WDR70: variants seen among roughly 807,000 people sequenced by gnomAD.
The protein encoded by WDR70 is WD repeat-containing protein 70.
WDR70 carries 53 observed loss-of-function variants against 88.6 expected under a neutral mutation model. That is an observed-to-expected ratio of 0.60 (90% confidence interval 0.48 to 0.75). The LOEUF (loss-of-function observed/expected upper bound fraction) is 0.75. WDR70 is among the 30% of genes least tolerant of loss of function. WDR70 has a pLI of 0.00. For synonymous variants in WDR70, 280 were observed against 270.0 expected (o/e 1.04, Z -0.36); for missense variants, 610 against 823.2 (o/e 0.74, Z 3.17).
chr5:37,662,062 A>G (rs1223709189), intron 10 of WDR70, among the ~76,000 whole-genome samples: 3 of 152,234 alleles, frequency 2.0e-5, no homozygotes, highest in Non-Finnish European at 4.4e-5. Flanking sequence ...GTTCACGCCC[A>G]TGAATGAGCA....
chr5:37,428,981 T>C (rs1750223108), intron 5 of WDR70, among the ~76,000 whole-genome samples: 1 of 152,230 alleles, frequency 6.6e-6, no homozygotes, highest in African/African-American at 2.4e-5. Context: ...GGCTTTAGTT[T>C]GCAATTGCTT....
intron 3 of WDR70, among the ~76,000 whole-genome samples, chr5:37,385,029 G>A (rs1430314963): frequency 6.6e-6 from 1 of 152,096 alleles, no homozygotes; most frequent in East Asian, 1.9e-4. Context: ...CGGCTCACAG[G>A]GAAACACTTT....
At chr5:37,678,836 T>C (rs1746320852) in intron 10 of WDR70, among the ~76,000 whole-genome samples, 1 of 152,262 alleles carries the variant, frequency 6.6e-6, no homozygotes, top group South Asian at 2.1e-4. Context: ...TTTTCCAACT[T>C]GGTTCCATTC....
At chr5:37,456,681 C>T in intron 7 of WDR70, among the ~76,000 whole-genome samples, 1 of 151,968 alleles carries the variant, frequency 6.6e-6, no homozygotes, top group Middle Eastern at 3.2e-3. Context: ...TTTTATATGA[C>T]ATAACAAAGC....
chr5:37,557,922 A>AAAAGAGTACTCTTTTGAAAACTCTTCT (rs1375489585), intron 9 of WDR70, among the ~76,000 whole-genome samples: 1 of 135,394 alleles, frequency 7.4e-6, no homozygotes, highest in African/African-American at 2.6e-5. Flanking sequence ...AAAACTCTTC[A>AAAAGAGTACTCTTTTGAAAACTCTTCT]AAAGAGTACT....
At chr5:37,743,194 CG>C (rs1418459564) in intron 17 of WDR70, among the ~76,000 whole-genome samples, 1 of 152,220 alleles carries the variant, frequency 6.6e-6, no homozygotes, top group Non-Finnish European at 1.5e-5. Flanking sequence ...GAGAGCCACA[CG>C]GGGAAGGGGA....
At chr5:37,446,689 A>T (rs1458496240) in intron 7 of WDR70, among the ~76,000 whole-genome samples, 3 of 152,224 alleles carry the variant, frequency 2.0e-5, no homozygotes, top group African/African-American at 7.2e-5. Context: ...AGAAATGGGG[A>T]AAGGATTCCC....
chr5:37,751,661 T>A (rs565650922), intron 17 of WDR70, among the ~76,000 whole-genome samples: 2 of 152,266 alleles, frequency 1.3e-5, no homozygotes, highest in South Asian at 4.1e-4. Context: ...ATATATAACC[T>A]GCAGATGTGC....
chr5:37,642,565 A>C (rs940206228), intron 10 of WDR70, among the ~76,000 whole-genome samples: 2 of 152,148 alleles, frequency 1.3e-5, no homozygotes, highest in Non-Finnish European at 2.9e-5. Context: ...GTTTGGCAAA[A>C]GCTCCAAACT....
intron 9 of WDR70, among the ~76,000 whole-genome samples, chr5:37,544,510 G>A (rs548112609): frequency 6.6e-6 from 1 of 152,244 alleles, no homozygotes; most frequent in African/African-American, 2.4e-5. Flanking sequence ...TTTGGTTATA[G>A]CTTCTAAAGA....
At chr5:37,682,405 T>TG (rs139780233) in intron 10 of WDR70, among the ~76,000 whole-genome samples, 4,929 of 152,266 alleles carry the variant, frequency 0.032, 98 homozygotes, top group Non-Finnish European at 0.05. Flanking sequence ...AATGGTTTTT[T>TG]TGTGTGCCTC....
intron 11 of WDR70, chr5:37,700,333 A>G (rs1057370664): frequency 2.0e-5 from 3 of 152,282 alleles, no homozygotes; most frequent in African/African-American, 4.8e-5. Context: ...TTTTTAAGAT[A>G]CATATGGAAT....
intron 10 of WDR70, among the ~76,000 whole-genome samples, chr5:37,657,854 C>A (rs759735257): frequency 6.6e-6 from 1 of 152,190 alleles, no homozygotes; most frequent in Non-Finnish European, 1.5e-5. Flanking sequence ...ATACCGTGTA[C>A]TTTCCTTCCT....
intron 5 of WDR70, among the ~76,000 whole-genome samples, chr5:37,432,127 C>T (rs1581273353): frequency 6.6e-6 from 1 of 152,288 alleles, no homozygotes; most frequent in East Asian, 1.9e-4. Flanking sequence ...GAGATACTAC[C>T]AAGCTGTTTT....
intron 10 of WDR70, among the ~76,000 whole-genome samples, chr5:37,694,116 A>C (rs976372951): frequency 1.3e-5 from 2 of 152,214 alleles, no homozygotes; most frequent in African/African-American, 4.8e-5. Flanking sequence ...GTCACTGATT[A>C]TCAGAGAAAT....
chr5:37,650,738 T>G (rs1406859567), intron 10 of WDR70, among the ~76,000 whole-genome samples: 1 of 152,138 alleles, frequency 6.6e-6, no homozygotes, highest in African/African-American at 2.4e-5. Context: ...TCTTGAGCTC[T>G]TGGGGCAATG....
rs188588716 is a variant in WDR70, at chr5:37,689,103, C to T, written c.1093-8552C>T. On this transcript the variant is annotated intron_variant, in intron 10 of 17. Coordinates refer to ENST00000265107, the MANE Select transcript of WDR70 (RefSeq NM_018034.4). ...CACTGCTAGCGCAGCAGTCTGAGAT[C>T]GAACTTCAAGGCGGCAGCCTGGCTG... 2.0e-3 allele frequency among the ~76,000 whole-genome samples: 306 copies of T among 152,318 alleles called. 1 individual carries two copies. The highest frequency in any genetic ancestry group is 7.0e-3 in the African/African-American group (289 of 41,570).
intron 6 of WDR70, 61 bp from the exon 7 acceptor site, chr5:37,443,178 G>A (rs2112053972): frequency 6.5e-7 from 1 of 1,528,012 alleles, no homozygotes. Flanking sequence ...AGAAATGGGA[G>A]GTTATAATTG....
chr5:37,634,246 C>G (rs143083703), intron 10 of WDR70, among the ~76,000 whole-genome samples: 1 of 145,846 alleles, frequency 6.9e-6, no homozygotes, highest in Non-Finnish European at 1.5e-5. Flanking sequence ...TTGTAGTGAG[C>G]TGAGATTGCA....
Sources: gnomAD v4.1 joint callset for allele counts (sites outside exome capture counted in the v4.1 genomes callset) on GRCh38, gnomAD v4.1.1 for gene constraint, MANE v1.5 for transcripts, NCBI Gene and HGNC (gene_info 2026-07-23, HGNC 2026-07-21) for gene names.